Variants in RIMKLB observed in about 807,000 individuals in gnomAD.
The protein encoded by RIMKLB is ribosomal modification protein rimK like family member B.
Under a neutral mutation model 32.0 loss-of-function variants are expected in RIMKLB, and 7 were observed. That is an observed-to-expected ratio of 0.22 (90% CI 0.12 to 0.41). The LOEUF (loss-of-function observed/expected upper bound fraction) is 0.41, where lower values mean the gene tolerates loss of function less well. RIMKLB is among the 10% of genes least tolerant of loss of function. The probability of loss-of-function intolerance (pLI) is 1.00; values close to 1 mark genes in which losing one functional copy is unlikely to be tolerated. For synonymous variants in RIMKLB, 172 were observed against 185.1 expected, an observed-to-expected ratio of 0.93 and a Z score of 0.57; for missense variants, 289 against 498.7, an observed-to-expected ratio of 0.58 and a Z score of 4.00.
intron 2 of RIMKLB, among the ~76,000 whole-genome samples, chr12:8,727,235 G>GTTA (rs1445885171): frequency 6.6e-6 from 1 of 152,084 alleles, no homozygotes; most frequent in Non-Finnish European, 1.5e-5. Context: ...TGTTGTTGTT[G>GTTA]TTATTATTGT....
chr12:8,765,692 T>C (rs942308241), intron 5 of RIMKLB, among the ~76,000 whole-genome samples: 29 of 152,120 alleles, frequency 1.9e-4, no homozygotes, highest in African/African-American at 6.8e-4. Context: ...TCGGGAAATA[T>C]TGGCACTCTT....
intron 5 of RIMKLB, among the ~76,000 whole-genome samples, chr12:8,765,507 T>C (rs1210556108): frequency 6.6e-6 from 1 of 152,184 alleles, no homozygotes; most frequent in East Asian, 1.9e-4. Context: ...ATTATATCTC[T>C]CCATGTCAGA....
In RIMKLB at chr12:8,775,440, G is replaced by A; in HGVS notation, c.*1656G>A. On this transcript the variant is annotated 3_prime_UTR_variant, in exon 6 of 6. Transcript: ENST00000535829. The stretch of plus-strand genomic sequence containing the variant: ...TGTTAAGAAATGGAGATGCTGCAGA[G>A]CCCAACGTAATTTTTTAAACAGCAA... The A allele has an allele frequency of 2.0e-6, 2 of 985,566 alleles. No individual in the cohort carries two copies. Among genetic ancestry groups the A allele is most frequent in the Non-Finnish European group, 1.2e-6 (1 of 829,892 alleles). The allele number at this position is 985,566 out of a possible 1,614,324, so 61.1% of individuals were successfully genotyped here.
chr12:8,751,848 C>A, intron 3 of RIMKLB, 109 bp from the exon 4 acceptor site: 1 of 700,168 alleles, frequency 1.4e-6, no homozygotes, highest in Admixed American at 2.4e-5. Context: ...AGCCATCAGG[C>A]TCTTACCTTC....
At chr12:8,705,392 G>A (rs1396702798) in intron 1 of RIMKLB, among the ~76,000 whole-genome samples, 1 of 150,978 alleles carries the variant, frequency 6.6e-6, no homozygotes, top group Non-Finnish European at 1.5e-5. Flanking sequence ...CAAGAGAATC[G>A]CTTGAACCCG....
intron 2 of RIMKLB, among the ~76,000 whole-genome samples, chr12:8,737,659 A>G (rs771358962): frequency 1.3e-5 from 2 of 152,016 alleles, no homozygotes; most frequent in Admixed American, 6.6e-5. Flanking sequence ...CCTCATCTCT[A>G]TTATTCATTC....
chr12:8,714,639 A>G (rs1944656039), intron 2 of RIMKLB, among the ~76,000 whole-genome samples: 1 of 152,112 alleles, frequency 6.6e-6, no homozygotes. Context: ...TATTTTTAAT[A>G]TTTCATATTT....
chr12:8,722,254 CT>C (rs113025266), intron 2 of RIMKLB, among the ~76,000 whole-genome samples: 10,853 of 151,548 alleles, frequency 0.072, 1,265 homozygotes, highest in African/African-American at 0.24. Flanking sequence ...GATCCATGGG[CT>C]TGCAGAGTCC....
chr12:8,758,662 G>A lies in RIMKLB; in HGVS notation c.697+4569G>A, dbSNP rs777581650. On this transcript the variant is annotated intron_variant, in intron 5 of 5. Transcript: ENST00000535829. ...TCAGTTCTTGAATAGTCTTCTAAAA[G>A]CTTTTCCGTGTTTAGGACTTTAATC... Among the ~76,000 whole-genome samples the A allele has an allele frequency of 2.7e-4, 41 of 152,198 alleles. 1 individual carries two copies. The highest frequency in any genetic ancestry group is 3.4e-3 in the Middle Eastern group (1 of 294).
rs899794328 is a variant in RIMKLB, at chr12:8,775,151, A to T, written c.*1367A>T. On this transcript the variant is annotated 3_prime_UTR_variant, in exon 6 of 6. Coordinates refer to ENST00000535829, the MANE Select transcript of RIMKLB (RefSeq NM_001297776.2). ...GCCTGTTCAGTGTACAGTTTATTCAAGGCTACATGCTTTTCTTTAATGCTT... is the reference window on the plus strand; with the variant it reads ...GCCTGTTCAGTGTACAGTTTATTCATGGCTACATGCTTTTCTTTAATGCTT... 3.0e-6 allele frequency: 3 copies of T among 985,388 alleles called. No homozygotes were observed. Among genetic ancestry groups the T allele is most frequent in the Non-Finnish European group, 3.6e-6 (3 of 829,874 alleles). 61.0% of individuals were successfully genotyped at this position (985,388 alleles called of 1,614,324 possible). A position where few individuals can be genotyped will look rare whatever the true frequency, so the allele number is the denominator to read the frequency against.
At chr12:8,753,460 G>C (rs1948782349) in intron 4 of RIMKLB, among the ~76,000 whole-genome samples, 1 of 152,164 alleles carries the variant, frequency 6.6e-6, no homozygotes, top group African/African-American at 2.4e-5. Flanking sequence ...GAACAGGCTA[G>C]AGAATTCAGA....
intron 5 of RIMKLB, 39 bp from the exon 6 acceptor site, chr12:8,773,282 T>C (rs781439958): frequency 1.4e-6 from 2 of 1,427,526 alleles, no homozygotes; most frequent in East Asian, 2.3e-5. Flanking sequence ...TTCAAAAGTT[T>C]ATGATTTTGT....
chr12:8,780,267 TA>T (rs1306586735), downstream of RIMKLB: 2 of 152,216 alleles, frequency 1.3e-5, no homozygotes, highest in Non-Finnish European at 2.9e-5. Flanking sequence ...TCATAGGTTG[TA>T]GGGGTAGGTA....
At chr12:8,693,855 C>T (rs1288247180), upstream of RIMKLB, among the ~76,000 whole-genome samples, 1 of 152,232 alleles carries the variant, frequency 6.6e-6, no homozygotes, top group East Asian at 1.9e-4. Context: ...TTAAAATCCC[C>T]TGGAGGGCTC....
At chr12:8,766,162 A>G (rs1344829336) in intron 5 of RIMKLB, among the ~76,000 whole-genome samples, 2 of 152,108 alleles carry the variant, frequency 1.3e-5, no homozygotes, top group Non-Finnish European at 2.9e-5. Context: ...TTTTCTGATG[A>G]GCATTAGTCC....
intron 2 of RIMKLB, among the ~76,000 whole-genome samples, chr12:8,744,742 C>A (rs929251004): frequency 6.6e-6 from 1 of 151,800 alleles, no homozygotes; most frequent in African/African-American, 2.4e-5. Flanking sequence ...CTCACTTCAA[C>A]CTCTGCCTCC....
At chr12:8,674,533 C>T in the RIMKLB span, among the ~76,000 whole-genome samples, 1 of 151,836 alleles carries the variant, frequency 6.6e-6, no homozygotes, top group Middle Eastern at 3.4e-3. Flanking sequence ...GCCACCGCGC[C>T]CAGCCCTTTT....
rs1944309082 is a variant in RIMKLB at position 8,710,787 on chromosome 12, G to C, written c.-56-3024G>C. ...TAACATTCCATCCTGACTGCTATTGGGGCAGCAACTGCCACACTCAGGTGA... is the reference window on the plus strand; with the variant it reads ...TAACATTCCATCCTGACTGCTATTGCGGCAGCAACTGCCACACTCAGGTGA... On this transcript the variant is annotated intron_variant, in intron 1 of 5. Coordinates refer to ENST00000535829, the MANE Select transcript of RIMKLB (RefSeq NM_001297776.2). 2.0e-5 allele frequency among the ~76,000 whole-genome samples: 3 copies of C among 151,874 alleles called. No homozygotes were observed. The South Asian group carries it at 6.3e-4, about 32-fold the overall frequency.
intron 2 of RIMKLB, among the ~76,000 whole-genome samples, chr12:8,735,887 C>T (rs1007023487): frequency 1.3e-5 from 2 of 151,926 alleles, no homozygotes; most frequent in African/African-American, 2.4e-5. Context: ...TGCACTGCCA[C>T]GCCCCGCTAA....
Sources: allele counts gnomAD v4.1 joint callset (sites outside exome capture counted in the v4.1 genomes callset), GRCh38; gene constraint gnomAD v4.1.1; transcripts MANE v1.5; gene names NCBI Gene and HGNC (gene_info 2026-07-23, HGNC 2026-07-21).